FAM135B: variants seen among roughly 807,000 people sequenced by gnomAD.
The protein encoded by FAM135B is protein FAM135B.
A neutral mutation model predicts 127.7 loss-of-function variants in FAM135B; 43 were observed. The ratio of observed to expected loss-of-function variants is 0.34; its 90% CI spans 0.26 to 0.43. FAM135B has a LOEUF of 0.43. Ranked by LOEUF, FAM135B falls within the 20% of genes least tolerant of loss-of-function variation. The pLI, the probability that FAM135B is intolerant of heterozygous loss-of-function variation, is 1.00. For missense variants in FAM135B, 1,558 were observed against 1,725.6 expected, an observed-to-expected ratio of 0.90 and a Z score of 1.72; for synonymous variants, 670 against 665.1, an observed-to-expected ratio of 1.01 and a Z score of -0.11.
intron 1 of FAM135B, among the ~76,000 whole-genome samples, chr8:138,487,634 T>TGGGGGG (rs890838129): frequency 7.9e-6 from 1 of 125,984 alleles, no homozygotes; most frequent in Non-Finnish European, 1.7e-5. Flanking sequence ...TAGGTGTGTG[T>TGGGGGG]GGGGGTGGGG....
chr8:138,177,221 A>G, intron 11 of FAM135B, 126 bp downstream of exon 11: 1 of 822,468 alleles, frequency 1.2e-6, no homozygotes, highest in Non-Finnish European at 1.9e-6. Context: ...GGAAATGCAG[A>G]CAGAAAGTGC....
chr8:138,199,666 T>G (rs1481104853), intron 7 of FAM135B, among the ~76,000 whole-genome samples: 3 of 152,138 alleles, frequency 2.0e-5, no homozygotes, highest in Non-Finnish European at 4.4e-5. Context: ...CAGGTCTCCA[T>G]AGCTGGGGAG....
At chr8:138,422,358 T>C (rs1587413805) in intron 1 of FAM135B, among the ~76,000 whole-genome samples, 1 of 152,108 alleles carries the variant, frequency 6.6e-6, no homozygotes, top group Non-Finnish European at 1.5e-5. Context: ...GAGAGAATAT[T>C]TGCAAACTAT....
chr8:138,139,108 A>C lies in FAM135B; in HGVS notation c.3791-12T>G, dbSNP rs763294346. On this transcript the variant is annotated splice_polypyrimidine_tract_variant and intron_variant, in intron 17 of 19. Transcript: ENST00000395297. ...CATGAGCCATAAGCCTAGGAAGACA[A>C]AAACAAAATAAAAATCAAAAACACA... The C allele has an allele frequency of 2.6e-6, 4 of 1,547,540 alleles. No individual in the cohort carries two copies. The African/African-American group carries it at 5.5e-5, about 21-fold the overall frequency.
Position 138,482,490 on chromosome 8 carries a change from A to G in FAM135B, c.-20+14181T>C, listed in dbSNP as rs183812505. Among the ~76,000 whole-genome samples the G allele has an allele frequency of 1.1e-4, 16 of 152,236 alleles. No individual in the cohort carries two copies. The East Asian group carries it at 2.9e-3, about 28-fold the overall frequency. ...ATTGCTCTGTTGTTACCATCTTGAT[A>G]TTAATAATAATTTTTAACAAGGGGC... On this transcript the variant is annotated intron_variant, in intron 1 of 19. Coordinates refer to ENST00000395297, the MANE Select transcript of FAM135B (RefSeq NM_015912.4).
chr8:138,356,453 T>C (rs1512389), intron 2 of FAM135B, among the ~76,000 whole-genome samples: 5,055 of 152,182 alleles, frequency 0.033, 238 homozygotes, highest in African/African-American at 0.11. Flanking sequence ...AATACAATAT[T>C]CCTTGTAGAA....
intron 2 of FAM135B, among the ~76,000 whole-genome samples, chr8:138,336,753 T>C (rs553277942): frequency 6.6e-6 from 1 of 152,298 alleles, no homozygotes; most frequent in East Asian, 1.9e-4. Flanking sequence ...CCTAACTCAT[T>C]TTATGAGGCC....
chr8:138,274,099 C>T (rs1432137512), intron 3 of FAM135B, among the ~76,000 whole-genome samples: 4 of 152,216 alleles, frequency 2.6e-5, no homozygotes, highest in Non-Finnish European at 4.4e-5. Flanking sequence ...CTTACCCATA[C>T]TAGTGAAATA....
At chr8:138,375,539 A>G (rs1288404973) in intron 1 of FAM135B, among the ~76,000 whole-genome samples, 1 of 152,186 alleles carries the variant, frequency 6.6e-6, no homozygotes, top group Non-Finnish European at 1.5e-5. Context: ...TTTATCCCCA[A>G]CAGGTAACAC....
chr8:138,441,260 T>G (rs1835747131), intron 1 of FAM135B: 1 of 152,262 alleles, frequency 6.6e-6, no homozygotes, highest in Non-Finnish European at 1.5e-5. Context: ...AGTTTGTTTC[T>G]GGGGTAGCCC....
intron 1 of FAM135B, among the ~76,000 whole-genome samples, chr8:138,480,950 G>T (rs1466963841): frequency 6.6e-6 from 1 of 152,186 alleles, no homozygotes; most frequent in Non-Finnish European, 1.5e-5. Context: ...TAAAACTGTT[G>T]TTAAGATTAC....
At chr8:138,171,894 A>T (rs1820488557) in intron 11 of FAM135B, among the ~76,000 whole-genome samples, 1 of 152,122 alleles carries the variant, frequency 6.6e-6, no homozygotes, top group East Asian at 1.9e-4. Flanking sequence ...GAGTGTATGC[A>T]AGTGCACATG....
At chr8:138,439,059 C>T (rs1478757101) in intron 1 of FAM135B, 1 of 152,118 alleles carries the variant, frequency 6.6e-6, no homozygotes, top group Non-Finnish European at 1.5e-5. Context: ...GGCTATTAGC[C>T]TTTAGAAAAC....
At chr8:138,334,436 T>A (rs919804567) in intron 2 of FAM135B, among the ~76,000 whole-genome samples, 2 of 152,210 alleles carry the variant, frequency 1.3e-5, no homozygotes, top group African/African-American at 4.8e-5. Context: ...GCAGGTTTGT[T>A]ACACAGGAAA....
rs575099836 is a variant in FAM135B at position 138,334,425 on chromosome 8, T to C, written c.78-23505A>G. Reference sequence around the variant, plus strand: ...TTTATTTTAAGTTCAGGGTTACATGTGCAGGTTTGTTACACAGGAAAACTT... The same window carrying C: ...TTTATTTTAAGTTCAGGGTTACATGCGCAGGTTTGTTACACAGGAAAACTT... On this transcript the variant is annotated intron_variant, in intron 2 of 19. Coordinates refer to ENST00000395297, the MANE Select transcript of FAM135B (RefSeq NM_015912.4). 3.3e-5 allele frequency among the ~76,000 whole-genome samples: 5 copies of C among 152,332 alleles called. No homozygotes were observed. The South Asian group carries it at 8.3e-4, about 25-fold the overall frequency.
chr8:138,375,788 A>G (rs1831432145), intron 1 of FAM135B, among the ~76,000 whole-genome samples: 1 of 152,142 alleles, frequency 6.6e-6, no homozygotes, highest in Non-Finnish European at 1.5e-5. Context: ...ACTAGGCAAC[A>G]TGGTAGGGAT....
intron 3 of FAM135B, among the ~76,000 whole-genome samples, chr8:138,291,874 G>A (rs1825139658): frequency 1.3e-5 from 2 of 151,994 alleles, no homozygotes; most frequent in Non-Finnish European, 2.9e-5. Context: ...ACAAAACAAG[G>A]GTGTCCATTA....
chr8:138,401,820 C>T (rs1014546863), intron 1 of FAM135B, among the ~76,000 whole-genome samples: 1 of 152,152 alleles, frequency 6.6e-6, no homozygotes, highest in South Asian at 2.1e-4. Flanking sequence ...GCTATGATAC[C>T]AAACTCACCC....
At chr8:138,341,337 C>T (rs1296899566) in intron 2 of FAM135B, among the ~76,000 whole-genome samples, 1 of 152,286 alleles carries the variant, frequency 6.6e-6, no homozygotes, top group East Asian at 1.9e-4. Context: ...TGTATTATTC[C>T]TCTCCTATGA....
Sources: gnomAD v4.1 joint callset for allele counts (sites outside exome capture counted in the v4.1 genomes callset) on GRCh38, gnomAD v4.1.1 for gene constraint, MANE v1.5 for transcripts, NCBI Gene and HGNC (gene_info 2026-07-23, HGNC 2026-07-21) for gene names.